The following GNG2 variants were observed in gnomAD, a reference collection of about 807,000 sequenced individuals.
The protein encoded by GNG2 is guanine nucleotide-binding protein G(I)/G(S)/G(O) subunit gamma-2.
A neutral mutation model predicts 5.5 loss-of-function variants in GNG2; 5 were observed. That is an observed-to-expected ratio of 0.91 (90% CI 0.48 to 1.92). The LOEUF (loss-of-function observed/expected upper bound fraction) is 1.92, where lower values mean the gene tolerates loss of function less well. Among genes scored for constraint, GNG2 ranks in the 30% most tolerant of loss-of-function variants. GNG2 has a pLI of 0.01. For synonymous variants in GNG2, 28 were observed against 32.0 expected, an observed-to-expected ratio of 0.88 and a Z score of 0.42; for missense variants, 55 against 88.4, an observed-to-expected ratio of 0.62 and a Z score of 1.52.
intron 2 of GNG2, among the ~76,000 whole-genome samples, chr14:51,939,233 G>A (rs1888179094): frequency 6.6e-6 from 1 of 152,228 alleles, no homozygotes; most frequent in Non-Finnish European, 1.5e-5. Context: ...CCTTATCCAA[G>A]TCTCAGATAA....
At chr14:51,893,500 C>T (rs1291345746) in intron 2 of GNG2, among the ~76,000 whole-genome samples, 1 of 152,096 alleles carries the variant, frequency 6.6e-6, no homozygotes, top group Non-Finnish European at 1.5e-5. Context: ...ACTTTGTCCG[C>T]TTTATATGCT....
At chr14:51,918,157 A>C (rs1886770605) in intron 2 of GNG2, among the ~76,000 whole-genome samples, 1 of 152,188 alleles carries the variant, frequency 6.6e-6, no homozygotes, top group South Asian at 2.1e-4. Flanking sequence ...AAGCCATCCC[A>C]AAAGCATTTT....
upstream of GNG2, among the ~76,000 whole-genome samples, chr14:51,855,527 C>T (rs1882116854): frequency 6.6e-6 from 1 of 152,164 alleles, no homozygotes; most frequent in Non-Finnish European, 1.5e-5. Flanking sequence ...GCTTCTATTC[C>T]CTTTAGCTGA....
At chr14:51,854,294 C>T (rs1234250514) in intron 2 of GNG2, among the ~76,000 whole-genome samples, 1 of 152,136 alleles carries the variant, frequency 6.6e-6, no homozygotes, top group Admixed American at 6.5e-5. Flanking sequence ...TTTCACCTGA[C>T]CCCAGTCAAT....
intron 2 of GNG2, among the ~76,000 whole-genome samples, chr14:51,900,188 T>C (rs191956696): frequency 4.1e-4 from 63 of 152,348 alleles, no homozygotes; most frequent in Non-Finnish European, 2.2e-4. Context: ...TTTCTGTTTT[T>C]TAAATTCTAA....
At chr14:51,911,564 GAC>G (rs1886296668) in intron 2 of GNG2, among the ~76,000 whole-genome samples, 1 of 149,552 alleles carries the variant, frequency 6.7e-6, no homozygotes, top group African/African-American at 2.5e-5. Flanking sequence ...TTTTTTAAGA[GAC>G]AGAGTCTTGC....
intron 2 of GNG2, among the ~76,000 whole-genome samples, chr14:51,943,937 C>A (rs1207228438): frequency 6.6e-6 from 1 of 152,158 alleles, no homozygotes; most frequent in African/African-American, 2.4e-5. Context: ...ATAGAAAAAT[C>A]TGTCTTAAAA....
intron 1 of GNG2, among the ~76,000 whole-genome samples, chr14:51,862,979 T>C (rs749921707): frequency 7.1e-4 from 82 of 115,092 alleles, no homozygotes; most frequent in Non-Finnish European, 1.2e-3. Flanking sequence ...GAAATTTTAA[T>C]TGTGCTTTTT....
intron 2 of GNG2, among the ~76,000 whole-genome samples, chr14:51,844,578 C>A (rs554893731): frequency 5.3e-5 from 8 of 152,118 alleles, no homozygotes; most frequent in Non-Finnish European, 8.8e-5. Flanking sequence ...GATGGAAGCC[C>A]CAAAACCTCC....
At chr14:51,832,538 A>G (rs1173840411) in intron 2 of GNG2, among the ~76,000 whole-genome samples, 1 of 152,236 alleles carries the variant, frequency 6.6e-6, no homozygotes, top group Non-Finnish European at 1.5e-5. Context: ...ATAACAAAAT[A>G]TCATAGACTG....
intron 3 of GNG2, among the ~76,000 whole-genome samples, chr14:51,958,575 C>A (rs907157062): frequency 3.3e-5 from 5 of 152,018 alleles, no homozygotes; most frequent in Admixed American, 3.3e-4. Flanking sequence ...TTTGTAACTC[C>A]CTTCACCTGC....
chr14:51,885,066 G>C (rs540054998), intron 2 of GNG2, among the ~76,000 whole-genome samples: 3 of 152,282 alleles, frequency 2.0e-5, no homozygotes, highest in Non-Finnish European at 4.4e-5. Context: ...AAGAAGGAGA[G>C]AGCCCAGTCA....
intron 2 of GNG2, chr14:51,916,578 C>T (rs1460735101): frequency 3.0e-5 from 13 of 434,202 alleles, no homozygotes; most frequent in Middle Eastern, 3.4e-4. Flanking sequence ...TTGCAGCTGG[C>T]GCAGCTTCAA....
At chr14:51,855,254 C>G (rs2140092880) in intron 2 of GNG2, among the ~76,000 whole-genome samples, 1 of 152,322 alleles carries the variant, frequency 6.6e-6, no homozygotes, top group Middle Eastern at 3.4e-3. Flanking sequence ...TTGGCTATCA[C>G]TCTTCATGTC....
At chr14:51,915,351 G>A (rs987882102) in intron 2 of GNG2, among the ~76,000 whole-genome samples, 9 of 152,220 alleles carry the variant, frequency 5.9e-5, no homozygotes, top group Non-Finnish European at 1.0e-4. Flanking sequence ...GCATTTCAGT[G>A]TAATAATTAT....
At chr14:51,914,348 C>T (rs1886478965) in intron 2 of GNG2, 1 of 697,696 alleles carries the variant, frequency 1.4e-6, no homozygotes, top group Admixed American at 2.0e-5. Flanking sequence ...GAAACACAGG[C>T]CACAGTAACC....
intron 2 of GNG2, among the ~76,000 whole-genome samples, chr14:51,945,791 T>C (rs2140275049): frequency 3.2e-5 from 2 of 61,658 alleles, no homozygotes; most frequent in East Asian, 4.6e-4. Context: ...TATGTGTATG[T>C]GTGTGTGTGT....
chr14:51,879,810 G>A (rs542443839), intron 2 of GNG2, among the ~76,000 whole-genome samples: 3 of 152,240 alleles, frequency 2.0e-5, no homozygotes, highest in Admixed American at 6.5e-5. Context: ...CATCACCAGG[G>A]CCTCCATTTA....
chr14:51,945,007 G>T (rs926669976), intron 2 of GNG2, among the ~76,000 whole-genome samples: 1 of 151,978 alleles, frequency 6.6e-6, no homozygotes, highest in African/African-American at 2.4e-5. Context: ...AATATGAATG[G>T]CCAATAAACA....
Sources: gnomAD v4.1 joint callset for allele counts (sites outside exome capture counted in the v4.1 genomes callset) on GRCh38, gnomAD v4.1.1 for gene constraint, MANE v1.5 for transcripts, NCBI Gene and HGNC (gene_info 2026-07-23, HGNC 2026-07-21) for gene names.